Variants in ANO3 observed in about 807,000 individuals in gnomAD.
ANO3 encodes the protein anoctamin-3.
Under a neutral mutation model 144.8 loss-of-function variants are expected in ANO3, and 99 were observed. The ratio of observed to expected loss-of-function variants is 0.68; its 90% CI spans 0.58 to 0.81. The LOEUF (loss-of-function observed/expected upper bound fraction) is 0.81, where lower values mean the gene tolerates loss of function less well. Ranked by LOEUF, ANO3 falls within the 30% of genes least tolerant of loss-of-function variation. The pLI is 0.00. For missense variants in ANO3, 905 were observed against 1,202.2 expected (o/e 0.75, Z 3.66); for synonymous variants, 414 against 392.6 (o/e 1.05, Z -0.64).
At chr11:26,253,543 C>T (rs1388629712) in intron 1 of ANO3, among the ~76,000 whole-genome samples, 1 of 151,124 alleles carries the variant, frequency 6.6e-6, no homozygotes. Context: ...ACTTGTATCC[C>T]CTGAACTTAA....
intron 3 of ANO3, chr11:26,460,155 T>A (rs1194595321): frequency 9.1e-6 from 4 of 440,190 alleles, no homozygotes; most frequent in Non-Finnish European, 1.4e-5. Flanking sequence ...TTTAAAACTA[T>A]CTGCATACTC....
In ANO3 at chr11:26,643,256, A is replaced by G. The variant is rs374592119; in HGVS notation, c.2350A>G (p.Ile784Val). The G allele has an allele frequency of 6.2e-7, 1 of 1,614,070 alleles. No homozygotes were observed. Among genetic ancestry groups the G allele is most frequent in the Non-Finnish European group, 8.5e-7 (1 of 1,180,038 alleles). ...CCCTCTTTTGGCTTTGTTAAACAAT[A>G]TCATTGAAATCAGGCTGGATGCATA... ...LAPLLALLNN[I>V]IEIRLDAYKF... is the part of the protein sequence containing the mutation. Residue 784 changes from isoleucine (I) to valine (V), a missense_variant, in exon 23 of 27, where the codon ATC becomes GTC. Transcript: ENST00000256737.
intron 1 of ANO3, among the ~76,000 whole-genome samples, chr11:26,200,579 A>G (rs966548629): frequency 2.0e-5 from 3 of 152,180 alleles, no homozygotes; most frequent in African/African-American, 4.8e-5. Context: ...CCCTATGTGT[A>G]CTATTTTAAC....
Position 26,441,957 on chromosome 11 carries a change from C to A in ANO3, c.86C>A (p.Ser29Ter), listed in dbSNP as rs754306957. Residue 29 changes from serine (S) to a stop codon, truncating the protein, a stop_gained, in exon 2 of 27, where the codon TCG becomes TAG. Coordinates refer to ENST00000256737, the MANE Select transcript of ANO3 (RefSeq NM_031418.4). LOFTEE classifies it high-confidence loss of function. ...ISKSEITKET[S>*]LKPSRRSLPC... is the part of the protein sequence containing the mutation. ...AAGAGTGAGATAACAAAAGAAACTTCGTTAAAACCGTCTCGGAGATCCCTG... is the reference window on the plus strand; with the variant it reads ...AAGAGTGAGATAACAAAAGAAACTTAGTTAAAACCGTCTCGGAGATCCCTG... The A allele has an allele frequency of 1.9e-6, 3 of 1,613,764 alleles. No individual in the cohort carries two copies. Among genetic ancestry groups the A allele is most frequent in the Non-Finnish European group, 2.5e-6 (3 of 1,179,918 alleles).
intron 1 of ANO3, among the ~76,000 whole-genome samples, chr11:26,224,256 GCCAACAGGC>G (rs1207165951): frequency 1.3e-5 from 2 of 152,154 alleles, no homozygotes; most frequent in Non-Finnish European, 2.9e-5. Flanking sequence ...GATGCACAGG[GCCAACAGGC>G]CCCGTACAAT....
intron 1 of ANO3, among the ~76,000 whole-genome samples, chr11:26,317,754 C>T (rs1854660287): frequency 6.6e-6 from 1 of 152,218 alleles, no homozygotes; most frequent in Non-Finnish European, 1.5e-5. Flanking sequence ...AATCCCATTA[C>T]TGGGTATATA....
chr11:26,457,765 G>A (rs1015378584), intron 3 of ANO3, among the ~76,000 whole-genome samples: 9 of 152,040 alleles, frequency 5.9e-5, no homozygotes, highest in African/African-American at 2.2e-4. Flanking sequence ...ATTTTATTGA[G>A]CTTTGAGACT....
intron 1 of ANO3, among the ~76,000 whole-genome samples, chr11:26,434,519 G>A (rs1858228934): frequency 6.6e-6 from 1 of 152,050 alleles, no homozygotes; most frequent in South Asian, 2.1e-4. Flanking sequence ...TGTGATGTTA[G>A]GTTGTTAATT....
At position 26,535,571 on chromosome 11, in the gene ANO3, C is replaced by CTTTTTTTTTT. The variant is rs72278856; in HGVS notation, c.976+1029_976+1038dup. Among the ~76,000 whole-genome samples, 18 of 58,610 alleles carry CTTTTTTTTTT rather than the reference C, an allele frequency of 3.1e-4. 2 individuals are homozygous for CTTTTTTTTTT. Among genetic ancestry groups the CTTTTTTTTTT allele is most frequent in the Admixed American group, 1.4e-3 (4 of 2,878 alleles). 38.5% of individuals were successfully genotyped at this position (58,610 alleles called of 152,430 possible). A position where few individuals can be genotyped will look rare whatever the true frequency, so the allele number is the denominator to read the frequency against. ...AATACACTATGTTTCAAGACAGCCA[C>CTTTTTTTTTT]TTTTTTTTTTTTTTTTTTTTTTTTT... On this transcript the variant is annotated intron_variant, in intron 9 of 26. Coordinates refer to ENST00000256737, the MANE Select transcript of ANO3 (RefSeq NM_031418.4).
chr11:26,200,316 CCTCTT>C (rs1326961650), intron 1 of ANO3, among the ~76,000 whole-genome samples: 1 of 152,132 alleles, frequency 6.6e-6, no homozygotes, highest in African/African-American at 2.4e-5. Flanking sequence ...TCTCCTTCTG[CCTCTT>C]CTCTTAGAAC....
At chr11:26,600,302 C>CCCGCT (rs1565134452) in intron 17 of ANO3, among the ~76,000 whole-genome samples, 1 of 63,182 alleles carries the variant, frequency 1.6e-5, no homozygotes, top group Non-Finnish European at 3.3e-5. Context: ...CCCTTTCCTC[C>CCCGCT]CCTCTCCTCT....
intron 14 of ANO3, chr11:26,565,469 A>T: frequency 1.9e-6 from 3 of 1,613,444 alleles, no homozygotes; most frequent in Non-Finnish European, 2.5e-6. Flanking sequence ...TGGGCAAAAG[A>T]TCTTCATCTG....
At chr11:26,313,871 T>A (rs1441267235) in intron 1 of ANO3, among the ~76,000 whole-genome samples, 1 of 147,524 alleles carries the variant, frequency 6.8e-6, no homozygotes, top group Non-Finnish European at 1.5e-5. Flanking sequence ...AAATTAAATA[T>A]TATAATATAA....
intron 1 of ANO3, among the ~76,000 whole-genome samples, chr11:26,415,116 T>A (rs914858812): frequency 1.3e-5 from 2 of 151,336 alleles, no homozygotes; most frequent in Admixed American, 6.6e-5. Flanking sequence ...GACAGTTCAA[T>A]ACCTTGATAT....
chr11:26,237,876 G>A (rs925330290), intron 1 of ANO3, among the ~76,000 whole-genome samples: 38 of 152,124 alleles, frequency 2.5e-4, no homozygotes, highest in African/African-American at 7.0e-4. Flanking sequence ...ATTCTGCTAT[G>A]CCTAAATGAA....
chr11:26,353,084 C>T (rs541657977), intron 1 of ANO3, among the ~76,000 whole-genome samples: 185 of 152,256 alleles, frequency 1.2e-3, no homozygotes, highest in African/African-American at 4.3e-3. Flanking sequence ...TCATGCCCAA[C>T]GGGGTTTGGA....
intron 4 of ANO3, among the ~76,000 whole-genome samples, chr11:26,505,029 AAAAAAAAAAAG>A (rs1324618788): frequency 1.3e-5 from 2 of 150,782 alleles, no homozygotes; most frequent in African/African-American, 2.4e-5. Flanking sequence ...AAAAAAAAAA[AAAAAAAAAAAG>A]AAGAGAAAAG....
chr11:26,223,661 T>C (rs1181804632), intron 1 of ANO3, among the ~76,000 whole-genome samples: 2 of 151,300 alleles, frequency 1.3e-5, no homozygotes, highest in African/African-American at 2.4e-5. Flanking sequence ...AGAGGTTTAA[T>C]TGGCTCACAG....
At chr11:26,488,808 T>A (rs1860576161) in intron 4 of ANO3, among the ~76,000 whole-genome samples, 1 of 152,084 alleles carries the variant, frequency 6.6e-6, no homozygotes. Flanking sequence ...TTCCACAGCC[T>A]CGAAAGGGAC....
Sources: gnomAD v4.1 joint callset for allele counts (sites outside exome capture counted in the v4.1 genomes callset) on GRCh38, gnomAD v4.1.1 for gene constraint, MANE v1.5 for transcripts, NCBI Gene and HGNC (gene_info 2026-07-23, HGNC 2026-07-21) for gene names.